Variants in ITGA8 observed in about 807,000 individuals in gnomAD.
The protein encoded by ITGA8 is integrin alpha-8.
ITGA8 carries 91 observed loss-of-function variants against 142.3 expected under a neutral mutation model. The observed-to-expected ratio is 0.64, with a 90% CI of 0.54 to 0.76. The LOEUF (loss-of-function observed/expected upper bound fraction) is 0.76. Among genes scored for constraint, ITGA8 ranks in the 30% least tolerant of loss-of-function variants. The probability of loss-of-function intolerance (pLI) is 0.00; values close to 1 mark genes in which losing one functional copy is unlikely to be tolerated. For synonymous variants in ITGA8, 505 were observed against 485.2 expected, an observed-to-expected ratio of 1.04 and a Z score of -0.54; for missense variants, 1,406 against 1,327.7, an observed-to-expected ratio of 1.06 and a Z score of -0.92.
chr10:15,616,117 A>T (rs1833386264), intron 14 of ITGA8, among the ~76,000 whole-genome samples: 1 of 152,018 alleles, frequency 6.6e-6, no homozygotes, highest in Admixed American at 6.6e-5. Flanking sequence ...TCTATTCCCT[A>T]ACTTAGTGTC....
intron 2 of ITGA8, among the ~76,000 whole-genome samples, chr10:15,688,946 C>G (rs933177726): frequency 2.6e-5 from 4 of 152,180 alleles, no homozygotes; most frequent in Non-Finnish European, 5.9e-5. Flanking sequence ...AACAAATGCT[C>G]ACTCTCCCCA....
At chr10:15,564,480 G>A (rs1363958111) in intron 25 of ITGA8, among the ~76,000 whole-genome samples, 1 of 152,234 alleles carries the variant, frequency 6.6e-6, no homozygotes, top group Non-Finnish European at 1.5e-5. Flanking sequence ...CCACTAAAGT[G>A]TCTTCTGTAG....
chr10:15,644,048 C>G lies in ITGA8; in HGVS notation c.1381G>C (p.Asp461His), dbSNP rs1427054804. Residue 461 changes from aspartate (D) to histidine (H), a missense_variant, in exon 13 of 30, where the codon GAC becomes CAC. Transcript: ENST00000378076. ...GFTLRGDSDIDKNDYPDLIVG... is the reference protein window; with the variant it reads ...GFTLRGDSDIHKNDYPDLIVG... ...ACCTTACCTGGGTAATCATTCTTGT[C>G]TATGTCTGAATCTCCTCTTAAAGTA... The G allele has an allele frequency of 1.9e-6, 3 of 1,613,712 alleles. No homozygotes were observed. Among genetic ancestry groups the G allele is most frequent in the South Asian group, 2.2e-5 (2 of 91,028 alleles).
intron 24 of ITGA8, among the ~76,000 whole-genome samples, chr10:15,573,160 C>T (rs536580424): frequency 1.3e-5 from 2 of 151,730 alleles, no homozygotes; most frequent in Non-Finnish European, 2.9e-5. Flanking sequence ...CTATTTAATT[C>T]ACCTTATCAA....
intron 2 of ITGA8, among the ~76,000 whole-genome samples, chr10:15,697,599 A>G (rs942731058): frequency 1.3e-5 from 2 of 152,236 alleles, no homozygotes; most frequent in African/African-American, 4.8e-5. Context: ...CAGCTACTCA[A>G]TTCTGCCCTG....
At chr10:15,636,521 C>T (rs1215253183) in intron 13 of ITGA8, among the ~76,000 whole-genome samples, 5 of 152,152 alleles carry the variant, frequency 3.3e-5, no homozygotes, top group African/African-American at 9.7e-5. Context: ...ATTATTTCTG[C>T]AATCAAATCT....
chr10:15,707,679 C>T (rs937944174), intron 2 of ITGA8, among the ~76,000 whole-genome samples: 5 of 151,740 alleles, frequency 3.3e-5, no homozygotes, highest in Non-Finnish European at 1.5e-5. Context: ...AAAAATTAGC[C>T]ATGTGTGGTG....
chr10:15,583,478 C>T (rs1288528682), intron 23 of ITGA8, among the ~76,000 whole-genome samples: 1 of 151,866 alleles, frequency 6.6e-6, no homozygotes, highest in Admixed American at 6.6e-5. Context: ...CAAACCTGCA[C>T]GTTCTGCACA....
chr10:15,674,824 C>T (rs1834595573), intron 6 of ITGA8, among the ~76,000 whole-genome samples: 1 of 152,074 alleles, frequency 6.6e-6, no homozygotes, highest in African/African-American at 2.4e-5. Flanking sequence ...ACTTTAGTCC[C>T]AGCTACTCAG....
chr10:15,600,876 C>T (rs1013484088), intron 20 of ITGA8, among the ~76,000 whole-genome samples: 14 of 152,138 alleles, frequency 9.2e-5, no homozygotes, highest in Non-Finnish European at 1.8e-4. Context: ...ACTGTCATCA[C>T]CCTCATCCAG....
In ITGA8 at chr10:15,672,740, A is replaced by T. The variant is rs754163260; in HGVS notation, c.686T>A (p.Ile229Asn). 1 of 1,609,456 alleles carries T rather than the reference A, an allele frequency of 6.2e-7. No individual in the cohort carries two copies. The highest frequency in any genetic ancestry group is 1.7e-5 in the Admixed American group (1 of 59,140). ...PGSFYWQGQV[I>N]TASVADIIAN... Reference sequence around the variant, plus strand: ...AATGATATCTGCAACACTGGCAGTGATCACTTGTCCTGTGTTTAAACAAAT... The same window carrying T: ...AATGATATCTGCAACACTGGCAGTGTTCACTTGTCCTGTGTTTAAACAAAT... The change falls in exon 7 of 30, where the codon ATC (isoleucine) becomes AAC (asparagine). Residue 229 changes from isoleucine (I) to asparagine (N), a missense_variant. Coordinates refer to ENST00000378076, the MANE Select transcript of ITGA8 (RefSeq NM_003638.3).
chr10:15,535,714 C>T (rs1833417074), intron 27 of ITGA8, among the ~76,000 whole-genome samples: 1 of 152,160 alleles, frequency 6.6e-6, no homozygotes, highest in African/African-American at 2.4e-5. Flanking sequence ...TAAAATGGAC[C>T]AATCAGCAGG....
intron 25 of ITGA8, among the ~76,000 whole-genome samples, chr10:15,563,594 C>T (rs1349609632): frequency 6.6e-6 from 1 of 152,104 alleles, no homozygotes. Context: ...TAGCAGTAAG[C>T]AGTAATAGTA....
chr10:15,593,612 C>T lies in ITGA8; in HGVS notation c.2212-1308G>A, dbSNP rs188063716. Among the ~76,000 whole-genome samples, 27 of 152,214 alleles carry T rather than the reference C, an allele frequency of 1.8e-4. No homozygotes were observed. In the East Asian group the frequency reaches 4.6e-3, roughly 26 times the overall value. On this transcript the variant is annotated intron_variant, in intron 21 of 29. Transcript: ENST00000378076. ...TCACATGAATCAGTAATAATATGAACGAATAATAAATCATCTCTTTTGTCA... is the reference window on the plus strand; with the variant it reads ...TCACATGAATCAGTAATAATATGAATGAATAATAAATCATCTCTTTTGTCA...
intron 25 of ITGA8, among the ~76,000 whole-genome samples, chr10:15,558,652 C>G (rs1222702683): frequency 6.6e-6 from 1 of 152,128 alleles, no homozygotes; most frequent in Non-Finnish European, 1.5e-5. Flanking sequence ...GGGGAAACAG[C>G]CTGATGTGGT....
At chr10:15,624,530 G>A (rs1833547454) in intron 13 of ITGA8, among the ~76,000 whole-genome samples, 1 of 152,182 alleles carries the variant, frequency 6.6e-6, no homozygotes, top group African/African-American at 2.4e-5. Flanking sequence ...GAGACAGCCA[G>A]TTTCTGGCTT....
chr10:15,670,818 G>C (rs1267911649), intron 8 of ITGA8, among the ~76,000 whole-genome samples: 1 of 152,090 alleles, frequency 6.6e-6, no homozygotes, highest in African/African-American at 2.4e-5. Flanking sequence ...CATGAGCTGA[G>C]CCCAGACTTT....
At chr10:15,612,212 CT>C (rs1564374180) in intron 15 of ITGA8, among the ~76,000 whole-genome samples, 2 of 152,176 alleles carry the variant, frequency 1.3e-5, no homozygotes, top group African/African-American at 4.8e-5. Flanking sequence ...CACTCCCCAG[CT>C]CCCAGCAATA....
Position 15,718,944 on chromosome 10 carries a change from C to G in ITGA8, c.210-45G>C, listed in dbSNP as rs373741368. The G allele has an allele frequency of 1.7e-5, 28 of 1,613,048 alleles. No individual in the cohort carries two copies. In the African/African-American group the frequency reaches 2.8e-4, roughly 16 times the overall value. On this transcript the variant is annotated intron_variant, in intron 1 of 29. Transcript: ENST00000378076. Reference sequence around the variant, plus strand: ...AGTCACTCTTTGGGCGCCACAAAACCGTGCGCATGCAATGCAGTCTCTGTA... The same window carrying G: ...AGTCACTCTTTGGGCGCCACAAAACGGTGCGCATGCAATGCAGTCTCTGTA...
Sources: allele counts gnomAD v4.1 joint callset (sites outside exome capture counted in the v4.1 genomes callset), GRCh38; gene constraint gnomAD v4.1.1; transcripts MANE v1.5; gene names NCBI Gene and HGNC (gene_info 2026-07-23, HGNC 2026-07-21).